Variants in TMPRSS11D observed in about 807,000 individuals in gnomAD.
The protein encoded by TMPRSS11D is transmembrane protease serine 11D.
A neutral mutation model predicts 44.4 loss-of-function variants in TMPRSS11D; 32 were observed. The observed-to-expected ratio is 0.72, with a 90% CI of 0.54 to 0.97. TMPRSS11D has a LOEUF of 0.97. Ranked by LOEUF, TMPRSS11D falls within the 50% of genes least tolerant of loss-of-function variation. TMPRSS11D has a pLI of 0.00. For missense variants in TMPRSS11D, 446 were observed against 502.6 expected, an observed-to-expected ratio of 0.89 and a Z score of 1.08; for synonymous variants, 179 against 177.9, an observed-to-expected ratio of 1.01 and a Z score of -0.05.
Position 67,854,120 on chromosome 4 carries a change from T to C in TMPRSS11D, c.197A>G (p.Asn66Ser). The change falls in exon 3 of 10, where the codon AAT becomes AGT. Residue 66 changes from asparagine (N) to serine (S), a missense_variant. Transcript: ENST00000283916. ...CCTGTATTCCTGTGTAGCTGGTGAA[T>C]TTAACTGACTATTATATTCAACATT... ...LLNVEYNSQLNSPATQEYRTL... is the reference protein window; with the variant it reads ...LLNVEYNSQLSSPATQEYRTL... The C allele has an allele frequency of 6.2e-7, 1 of 1,601,158 alleles. No individual in the cohort carries two copies. The highest frequency in any genetic ancestry group is 2.3e-5 in the East Asian group (1 of 44,060).
chr4:67,858,185 T>G (rs1203937537), intron 2 of TMPRSS11D, among the ~76,000 whole-genome samples: 1 of 152,152 alleles, frequency 6.6e-6, no homozygotes, highest in Non-Finnish European at 1.5e-5. Context: ...TCATATGCAT[T>G]ACTTACGCAG....
intron 3 of TMPRSS11D, among the ~76,000 whole-genome samples, chr4:67,843,854 T>G (rs1187869960): frequency 6.6e-6 from 1 of 151,846 alleles, no homozygotes; most frequent in Non-Finnish European, 1.5e-5. Flanking sequence ...ACCGGGGAGG[T>G]AGAGGTTGCA....
chr4:67,863,342 A>AAG (rs1553919343), intron 1 of TMPRSS11D, among the ~76,000 whole-genome samples: 4 of 150,748 alleles, frequency 2.7e-5, no homozygotes, highest in African/African-American at 9.7e-5. Flanking sequence ...AAAAAAAAAA[A>AAG]AAAAGAAAAG....
At chr4:67,856,694 C>G (rs1376718091) in intron 2 of TMPRSS11D, among the ~76,000 whole-genome samples, 1 of 152,024 alleles carries the variant, frequency 6.6e-6, no homozygotes, top group African/African-American at 2.4e-5. Context: ...AATGGAAAGA[C>G]AACCTATTGA....
chr4:67,827,109 G>T, intron 8 of TMPRSS11D, 152 bp downstream of exon 8: 1 of 905,932 alleles, frequency 1.1e-6, no homozygotes, highest in Non-Finnish European at 1.6e-6. Flanking sequence ...GGAGACTCAG[G>T]GGTAGCCAGA....
At position 67,833,365 on chromosome 4, in the gene TMPRSS11D, T is replaced by C; in HGVS notation, c.531A>G (p.Pro177=). ...TCTGCTCAGACAATGTTATTAGGTC[T>C]GGACCGGCCCCACATTCTAATGAGA... ...NWLINECGAG[P]DLITLSEQRI... is the part of the protein sequence containing the mutation. The change falls in exon 7 of 10, where the codon CCA becomes CCG. Residue 177 remains proline, a synonymous_variant. Transcript: ENST00000283916. The C allele has an allele frequency of 1.3e-6, 2 of 1,533,120 alleles. No individual in the cohort carries two copies. The highest frequency in any genetic ancestry group is 1.8e-6 in the Non-Finnish European group (2 of 1,141,216). The allele number at this position is 1,533,120 out of a possible 1,614,324, so 95.0% of individuals were successfully genotyped here.
chr4:67,822,468 C>G lies in TMPRSS11D; in HGVS notation c.1126G>C (p.Asp376His). Reference sequence around the variant, plus strand: ...ACAATAAACCAAAGCCGCCGTGAGTCTTCTTGTACTAGTGGGCCACCAGAG... The same window carrying G: ...ACAATAAACCAAAGCCGCCGTGAGTGTTCTTGTACTAGTGGGCCACCAGAG... Reference protein sequence around the residue: ...GDSGGPLVQEDSRRLWFIVGI... With the variant: ...GDSGGPLVQEHSRRLWFIVGI... The change falls in exon 10 of 10, where the codon GAC becomes CAC. Residue 376 changes from aspartate to histidine, a missense_variant. Coordinates refer to ENST00000283916, the MANE Select transcript of TMPRSS11D (RefSeq NM_004262.3). The G allele has an allele frequency of 6.2e-7, 1 of 1,613,910 alleles. No homozygotes were observed. Among genetic ancestry groups the G allele is most frequent in the Non-Finnish European group, 8.5e-7 (1 of 1,179,890 alleles).
chr4:67,875,564 C>T (rs760218607), intron 1 of TMPRSS11D, among the ~76,000 whole-genome samples: 2 of 152,338 alleles, frequency 1.3e-5, no homozygotes, highest in Non-Finnish European at 2.9e-5. Context: ...CCATCCGCAA[C>T]CCGTCCCTAC....
intron 1 of TMPRSS11D, among the ~76,000 whole-genome samples, chr4:67,870,946 C>T (rs545377968): frequency 3.3e-5 from 5 of 152,298 alleles, no homozygotes; most frequent in African/African-American, 1.2e-4. Context: ...TCTCCCTCCG[C>T]CAGTTAAGAA....
intron 1 of TMPRSS11D, among the ~76,000 whole-genome samples, chr4:67,861,138 A>G (rs1007679566): frequency 6.6e-6 from 1 of 152,168 alleles, no homozygotes; most frequent in Non-Finnish European, 1.5e-5. Context: ...TAAATGCTAT[A>G]ACTTTATGAT....
chr4:67,843,647 G>A (rs1718287738), intron 3 of TMPRSS11D, among the ~76,000 whole-genome samples: 1 of 152,212 alleles, frequency 6.6e-6, no homozygotes, highest in Non-Finnish European at 1.5e-5. Context: ...TTTATGGCCG[G>A]GCGCAGTGGC....
At chr4:67,860,723 A>G (rs1223394988) in intron 1 of TMPRSS11D, among the ~76,000 whole-genome samples, 1 of 152,178 alleles carries the variant, frequency 6.6e-6, no homozygotes, top group Non-Finnish European at 1.5e-5. Context: ...AAGCCTCAAT[A>G]GAGCTGAGAA....
At position 67,821,650 on chromosome 4, in the gene TMPRSS11D, G is replaced by A. The variant is rs914417626; in HGVS notation, c.*687C>T. ...AGTGATATTTTTCATGGGTCATCATGAAAAATATCTATAATTCTTTGGGTC... is the reference window on the plus strand; with the variant it reads ...AGTGATATTTTTCATGGGTCATCATAAAAAATATCTATAATTCTTTGGGTC... On this transcript the variant is annotated 3_prime_UTR_variant, in exon 10 of 10. Coordinates refer to ENST00000283916, the MANE Select transcript of TMPRSS11D (RefSeq NM_004262.3). 6.6e-6 allele frequency: 1 copy of A among 152,052 alleles called. No homozygotes were observed. Among genetic ancestry groups the A allele is most frequent in the Non-Finnish European group, 1.5e-5 (1 of 68,014 alleles). 9.4% of individuals were successfully genotyped at this position (152,052 alleles called of 1,614,324 possible). A position where few individuals can be genotyped will look rare whatever the true frequency, so the allele number is the denominator to read the frequency against.
intron 8 of TMPRSS11D, 142 bp from the exon 9 acceptor site, chr4:67,826,016 T>G: frequency 9.6e-7 from 1 of 1,043,228 alleles, no homozygotes; most frequent in Non-Finnish European, 1.3e-6. Flanking sequence ...TACTTTGGAG[T>G]TTCTTCGCAG....
At chr4:67,877,151 T>TA (rs901286122) in intron 1 of TMPRSS11D, among the ~76,000 whole-genome samples, 9 of 152,136 alleles carry the variant, frequency 5.9e-5, no homozygotes, top group Admixed American at 3.3e-4. Context: ...ATTCTATAAT[T>TA]AAAAAAATTT....
At chr4:67,883,864 T>C in intron 1 of TMPRSS11D, 62 bp downstream of exon 1, 1 of 1,410,798 alleles carries the variant, frequency 7.1e-7, no homozygotes, top group Non-Finnish European at 9.7e-7. Context: ...TTCTTTATAT[T>C]TTTCCCATAC....
intron 1 of TMPRSS11D, among the ~76,000 whole-genome samples, chr4:67,870,037 T>A (rs559267946): frequency 6.6e-6 from 1 of 152,204 alleles, no homozygotes; most frequent in Non-Finnish European, 1.5e-5. Flanking sequence ...CCTGTGGTGC[T>A]ACACTGATCA....
intron 1 of TMPRSS11D, among the ~76,000 whole-genome samples, chr4:67,879,471 C>CAAAAAAA (rs58768044): frequency 1.8e-5 from 2 of 108,786 alleles, no homozygotes; most frequent in African/African-American, 7.2e-5. Flanking sequence ...GACTCCTTCT[C>CAAAAAAA]AAAAAAAAAA....
At chr4:67,856,486 T>C (rs1256829194) in intron 2 of TMPRSS11D, among the ~76,000 whole-genome samples, 3 of 152,152 alleles carry the variant, frequency 2.0e-5, no homozygotes, top group African/African-American at 7.2e-5. Flanking sequence ...CAACCCAAGA[T>C]GTATTAAAGA....
Sources: allele counts gnomAD v4.1 joint callset (sites outside exome capture counted in the v4.1 genomes callset), GRCh38; gene constraint gnomAD v4.1.1; transcripts MANE v1.5; gene names NCBI Gene and HGNC (gene_info 2026-07-23, HGNC 2026-07-21).